Variants in PLEKHG5 observed in about 807,000 individuals in gnomAD.
The protein encoded by PLEKHG5 is pleckstrin homology domain-containing family G member 5.
Under a neutral mutation model 103.8 loss-of-function variants are expected in PLEKHG5, and 52 were observed. The observed-to-expected ratio is 0.50, with a 90% CI of 0.40 to 0.63. PLEKHG5 has a LOEUF of 0.63. Ranked by LOEUF, PLEKHG5 falls within the 30% of genes least tolerant of loss-of-function variation. PLEKHG5 has a pLI of 0.00. For missense variants in PLEKHG5, 1,205 were observed against 1,347.6 expected (o/e 0.89, Z 1.66); for synonymous variants, 592 against 575.5 (o/e 1.03, Z -0.41).
rs886046497 is a variant in PLEKHG5 at position 6,467,884 on chromosome 1, G to A, written c.2952C>T (p.Thr984=). 6.2e-6 allele frequency: 10 copies of A among 1,611,400 alleles called. No homozygotes were observed. The highest frequency in any genetic ancestry group is 7.6e-6 in the Non-Finnish European group (9 of 1,179,138). ...PGVSAQHRKL[T]LAQLYRIRTT... ...TCCTGATTCGGTAGAGCTGGGCCAG[G>A]GTCAGCTTCCTGTGCTGGGCAGAGA... Residue 984 remains threonine, a synonymous_variant, in exon 20 of 21, where the codon ACC becomes ACT. Transcript: ENST00000377728.
intron 1 of PLEKHG5, among the ~76,000 whole-genome samples, chr1:6,506,551 A>C (rs1452716764): frequency 1.3e-5 from 2 of 152,176 alleles, no homozygotes; most frequent in Non-Finnish European, 2.9e-5. Flanking sequence ...GTGCTGCCCG[A>C]GGAGCAATTC....
chr1:6,483,152 C>T (rs998444609), intron 1 of PLEKHG5, among the ~76,000 whole-genome samples: 1 of 152,202 alleles, frequency 6.6e-6, no homozygotes, highest in Non-Finnish European at 1.5e-5. Context: ...TGTGTCCCTC[C>T]GTGTCTCCAT....
exon 1 of PLEKHG5, chr1:6,519,714 T>A (rs1412461342): frequency 3.2e-6 from 2 of 625,122 alleles, no homozygotes; most frequent in Non-Finnish European, 5.7e-6. Context: ...CTCTCAGCCC[T>A]GCCAATTTGC....
intron 1 of PLEKHG5, among the ~76,000 whole-genome samples, chr1:6,503,907 G>C (rs1205603312): frequency 6.7e-6 from 1 of 150,022 alleles, no homozygotes; most frequent in Non-Finnish European, 1.5e-5. Flanking sequence ...CATCCCAAGG[G>C]GAGGGACCAG....
intron 1 of PLEKHG5, among the ~76,000 whole-genome samples, chr1:6,513,394 G>T (rs1011004362): frequency 2.0e-5 from 3 of 152,222 alleles, no homozygotes; most frequent in Admixed American, 1.3e-4. Context: ...CTGGATGCCC[G>T]CCTGGGGTCA....
intron 1 of PLEKHG5, among the ~76,000 whole-genome samples, chr1:6,481,897 G>C (rs1279200610): frequency 6.7e-6 from 1 of 150,286 alleles, no homozygotes; most frequent in Non-Finnish European, 1.5e-5. Flanking sequence ...TTAAGGTTAG[G>C]GTTTTCAGTC....
At chr1:6,482,072 C>T (rs1257852555) in intron 1 of PLEKHG5, among the ~76,000 whole-genome samples, 2 of 152,092 alleles carry the variant, frequency 1.3e-5, no homozygotes, top group African/African-American at 4.8e-5. Context: ...GTGACATCTG[C>T]CAGTCCCTGG....
At chr1:6,509,459 C>G (rs1638415957) in intron 1 of PLEKHG5, among the ~76,000 whole-genome samples, 2 of 152,232 alleles carry the variant, frequency 1.3e-5, no homozygotes, top group Non-Finnish European at 2.9e-5. Context: ...GGGTCCACCC[C>G]CGCAAGGTCT....
intron 1 of PLEKHG5, among the ~76,000 whole-genome samples, chr1:6,518,754 T>C (rs181530356): frequency 1.7e-3 from 262 of 152,220 alleles, no homozygotes; most frequent in African/African-American, 5.8e-3. Flanking sequence ...CCCCACTTTC[T>C]ATGTCACAGA....
intron 1 of PLEKHG5, among the ~76,000 whole-genome samples, chr1:6,515,910 T>A (rs899133428): frequency 6.6e-6 from 1 of 152,180 alleles, no homozygotes; most frequent in African/African-American, 2.4e-5. Context: ...TGACTAGTCA[T>A]GCCCCTCATA....
chr1:6,472,594 T>C lies in PLEKHG5; in HGVS notation c.1013A>G (p.Gln338Arg). 6.2e-7 allele frequency: 1 copy of C among 1,613,338 alleles called. No homozygotes were observed. Among genetic ancestry groups the C allele is most frequent in the South Asian group, 1.1e-5 (1 of 90,924 alleles). Residue 338 changes from glutamine (Q) to arginine (R), a missense_variant, in exon 10 of 21, where the codon CAG becomes CGG. By Grantham distance (43) the Gln-to-Arg change is conservative. Transcript: ENST00000377728. Reference sequence around the variant, plus strand: ...GTGCAGCAGCTCCCACACCGCCTCCTGCTGGTGGCACTGCCGCCGGGTCAG... The same window carrying C: ...GTGCAGCAGCTCCCACACCGCCTCCCGCTGGTGGCACTGCCGCCGGGTCAG... ...EKLTRRQCHQ[Q>R]EAVWELLHTE...
chr1:6,476,007 G>T lies in PLEKHG5; in HGVS notation c.73C>A (p.Arg25=). The part of the protein sequence containing the change: ...GSVLARNVST[R]SCPPRTSPAV... The stretch of plus-strand genomic sequence containing the variant: ...GGGCTGGTGCGCGGCGGGCATGACC[G>T]GGTGGACACGTTCCGGGCCAGCACA... Residue 25 remains arginine, a synonymous_variant, in exon 3 of 21, where the codon CGG becomes AGG. Transcript: ENST00000377728. 6.2e-7 allele frequency: 1 copy of T among 1,613,590 alleles called. No homozygotes were observed. Among genetic ancestry groups the T allele is most frequent in the South Asian group, 1.1e-5 (1 of 91,084 alleles).
chr1:6,485,354 G>T, intron 1 of PLEKHG5: 1 of 1,422,272 alleles, frequency 7.0e-7, no homozygotes, highest in Non-Finnish European at 9.1e-7. Flanking sequence ...CACGACCCCC[G>T]GCCCAGGAGG....
chr1:6,499,995 T>C (rs1313859475), upstream of PLEKHG5, among the ~76,000 whole-genome samples: 2 of 151,870 alleles, frequency 1.3e-5, no homozygotes, highest in African/African-American at 4.8e-5. Flanking sequence ...GCAACGGAGG[T>C]CTCACTATGT....
chr1:6,517,272 A>G (rs1211325227), intron 1 of PLEKHG5, among the ~76,000 whole-genome samples: 1 of 146,324 alleles, frequency 6.8e-6, no homozygotes, highest in Non-Finnish European at 1.5e-5. Context: ...GCGCCACTGC[A>G]CTCCAGCCTG....
intron 1 of PLEKHG5, among the ~76,000 whole-genome samples, chr1:6,513,329 T>A (rs186061274): frequency 6.6e-5 from 10 of 152,360 alleles, no homozygotes; most frequent in African/African-American, 2.4e-4. Context: ...TGTGTCAAGG[T>A]GGCAGGGCTC....
upstream of PLEKHG5, among the ~76,000 whole-genome samples, chr1:6,500,778 A>T (rs997876240): frequency 1.3e-5 from 2 of 152,050 alleles, no homozygotes; most frequent in African/African-American, 4.8e-5. Flanking sequence ...TGCATGCCAG[A>T]CACTGCCTCC....
At chr1:6,489,021 G>A (rs936272290) in intron 1 of PLEKHG5, among the ~76,000 whole-genome samples, 1 of 152,160 alleles carries the variant, frequency 6.6e-6, no homozygotes, top group Non-Finnish European at 1.5e-5. Flanking sequence ...CTGGGTGGGA[G>A]AGGGACTTCC....
intron 1 of PLEKHG5, among the ~76,000 whole-genome samples, chr1:6,508,699 G>A (rs1396121489): frequency 2.0e-5 from 3 of 152,376 alleles, no homozygotes; most frequent in Admixed American, 1.3e-4. Context: ...TGTCTGTCTT[G>A]CATTCTGTTG....
Sources: allele counts gnomAD v4.1 joint callset (sites outside exome capture counted in the v4.1 genomes callset), GRCh38; gene constraint gnomAD v4.1.1; transcripts MANE v1.5; gene names NCBI Gene and HGNC (gene_info 2026-07-23, HGNC 2026-07-21).